PLA2G2C: variants seen among roughly 807,000 people sequenced by gnomAD.
PLA2G2C encodes the protein putative inactive group IIC secretory phospholipase A2.
A neutral mutation model predicts 14.3 loss-of-function variants in PLA2G2C; 15 were observed. That is an observed-to-expected ratio of 1.05 (90% CI 0.70 to 1.62). The LOEUF (loss-of-function observed/expected upper bound fraction) is 1.62, where lower values mean the gene tolerates loss of function less well. Ranked by LOEUF, PLA2G2C falls within the 40% of genes most tolerant of loss-of-function variation. The probability of loss-of-function intolerance (pLI) is 0.00; values close to 1 mark genes in which losing one functional copy is unlikely to be tolerated. For missense variants in PLA2G2C, 162 were observed against 173.2 expected (o/e 0.94, Z 0.36); for synonymous variants, 79 against 67.7 (o/e 1.17, Z -0.82).
At chr1:20,171,451 C>G (rs1029831721) in intron 4 of PLA2G2C, among the ~76,000 whole-genome samples, 20 of 152,168 alleles carry the variant, frequency 1.3e-4, no homozygotes, top group African/African-American at 4.1e-4. Flanking sequence ...ACCCACACAG[C>G]TGGTGCCAGG....
Position 20,175,305 on chromosome 1 carries a change from T to C in PLA2G2C, c.41-160A>G. 6 of 1,062,150 alleles carry C rather than the reference T, an allele frequency of 5.6e-6. No homozygotes were observed. In the East Asian group the frequency reaches 9.8e-5, roughly 17 times the overall value. The allele number at this position is 1,062,150 out of a possible 1,614,324, so 65.8% of individuals were successfully genotyped here. A position where few individuals can be genotyped will look rare whatever the true frequency, so the allele number is the denominator to read the frequency against. On this transcript the variant is annotated intron_variant, in intron 2 of 4. Transcript: ENST00000679259. ...TGGCTGGAATCACCAGCCTCTTTCC[T>C]GGGGAATAAAATAGGTTCAGATTTG...
chr1:20,175,219 C>T, intron 2 of PLA2G2C, 74 bp from the exon 3 acceptor site: 1 of 1,607,936 alleles, frequency 6.2e-7, no homozygotes, highest in East Asian at 2.2e-5. Context: ...GTCCCCTCCC[C>T]TTACTAGAGT....
intron 1 of PLA2G2C, chr1:20,184,191 G>GCACATGCA (rs1553184772): frequency 2.1e-5 from 2 of 95,414 alleles, no homozygotes; most frequent in South Asian, 3.3e-4. Context: ...GCGTGCGTGC[G>GCACATGCA]CACACGCACA....
intron 4 of PLA2G2C, among the ~76,000 whole-genome samples, chr1:20,168,999 T>C (rs996665297): frequency 2.0e-5 from 3 of 152,168 alleles, no homozygotes; most frequent in Non-Finnish European, 4.4e-5. Flanking sequence ...AGTTGTTTTC[T>C]TCCTCTCCCT....
rs1224903197 is a variant in PLA2G2C at position 20,163,056 on chromosome 1, G to A, written c.*935C>T. The A allele has an allele frequency of 6.6e-6, 1 of 152,268 alleles. No homozygotes were observed. Among genetic ancestry groups the A allele is most frequent in the East Asian group, 1.9e-4 (1 of 5,204 alleles). The allele number at this position is 152,268 out of a possible 1,614,324, so 9.4% of individuals were successfully genotyped here. A position where few individuals can be genotyped will look rare whatever the true frequency, so the allele number is the denominator to read the frequency against. On this transcript the variant is annotated 3_prime_UTR_variant, in exon 5 of 5. Transcript: ENST00000679259. ...CTAACAAACCATACCAAAACCCAGTGACTTAGAACAGCAGCCTTTATTTAG... is the reference window on the plus strand; with the variant it reads ...CTAACAAACCATACCAAAACCCAGTAACTTAGAACAGCAGCCTTTATTTAG...
intron 4 of PLA2G2C, among the ~76,000 whole-genome samples, chr1:20,171,954 G>C (rs998880086): frequency 6.6e-6 from 1 of 151,170 alleles, no homozygotes; most frequent in African/African-American, 2.4e-5. Flanking sequence ...TAGTAGAGAC[G>C]GGGTTTCACC....
chr1:20,173,184 C>A (rs1008309571), intron 3 of PLA2G2C, among the ~76,000 whole-genome samples: 1 of 149,594 alleles, frequency 6.7e-6, no homozygotes, highest in African/African-American at 2.5e-5. Context: ...GGCATGGTGG[C>A]ACCAGCCTGT....
chr1:20,171,564 G>C (rs1324656809), intron 4 of PLA2G2C, among the ~76,000 whole-genome samples: 4 of 152,106 alleles, frequency 2.6e-5, no homozygotes, highest in South Asian at 4.1e-4. Flanking sequence ...AACCCACTAC[G>C]GGATGGAGGA....
intron 4 of PLA2G2C, among the ~76,000 whole-genome samples, chr1:20,166,926 G>A (rs1447141508): frequency 6.6e-6 from 1 of 152,178 alleles, no homozygotes; most frequent in African/African-American, 2.4e-5. Flanking sequence ...GACAGCCCCA[G>A]GCCAAGAAAA....
chr1:20,167,464 C>T (rs891567914), intron 4 of PLA2G2C, among the ~76,000 whole-genome samples: 67 of 152,162 alleles, frequency 4.4e-4, no homozygotes, highest in African/African-American at 1.5e-3. Context: ...CCACGCTGAA[C>T]CCATCAGCAG....
At chr1:20,178,095 G>A (rs2018215560) in intron 1 of PLA2G2C, among the ~76,000 whole-genome samples, 1 of 152,130 alleles carries the variant, frequency 6.6e-6, no homozygotes, top group Non-Finnish European at 1.5e-5. Flanking sequence ...GGACCTGCTG[G>A]AATAATGAAA....
rs2017909087 is a variant in PLA2G2C at position 20,163,695 on chromosome 1, T to C, written c.*296A>G. 1.2e-5 allele frequency: 4 copies of C among 328,082 alleles called. No individual in the cohort carries two copies. Among genetic ancestry groups the C allele is most frequent in the Non-Finnish European group, 2.2e-5 (4 of 178,658 alleles). 20.3% of individuals were successfully genotyped at this position (328,082 alleles called of 1,614,324 possible). A position where few individuals can be genotyped will look rare whatever the true frequency, so the allele number is the denominator to read the frequency against. On this transcript the variant is annotated 3_prime_UTR_variant, in exon 5 of 5. Transcript: ENST00000679259. ...TACTGCATCATAGCACTTACTACAG[T>C]CTAATGTGTCTCTTACTTCTATATC...
chr1:20,168,302 T>TGA (rs2018010342), intron 4 of PLA2G2C, among the ~76,000 whole-genome samples: 2 of 152,332 alleles, frequency 1.3e-5, no homozygotes, highest in East Asian at 3.9e-4. Flanking sequence ...AAACAAGTAT[T>TGA]GAGTTCCCAA....
chr1:20,174,015 T>C (rs769354103), intron 3 of PLA2G2C, among the ~76,000 whole-genome samples: 2 of 152,222 alleles, frequency 1.3e-5, no homozygotes, highest in Non-Finnish European at 2.9e-5. Flanking sequence ...CAACTCACTG[T>C]CCTCACCTGT....
At chr1:20,169,548 C>T (rs2018035207) in intron 4 of PLA2G2C, among the ~76,000 whole-genome samples, 1 of 152,136 alleles carries the variant, frequency 6.6e-6, no homozygotes, top group Non-Finnish European at 1.5e-5. Context: ...AGAGCGGACT[C>T]TTCAAAGAAA....
chr1:20,175,325 G>T (rs1441967210), intron 2 of PLA2G2C, 180 bp from the exon 3 acceptor site: 4 of 870,094 alleles, frequency 4.6e-6, no homozygotes, highest in Non-Finnish European at 7.0e-6. Context: ...AATAGGTTCA[G>T]ATTTGCCCCT....
At chr1:20,178,719 G>A (rs1365106163) in intron 1 of PLA2G2C, among the ~76,000 whole-genome samples, 1 of 152,194 alleles carries the variant, frequency 6.6e-6, no homozygotes, top group African/African-American at 2.4e-5. Flanking sequence ...AACAAAGAAA[G>A]GGACCTGGGT....
At chr1:20,179,812 CTGTG>C (rs199906924) in intron 1 of PLA2G2C, among the ~76,000 whole-genome samples, 6 of 149,108 alleles carry the variant, frequency 4.0e-5, no homozygotes, top group South Asian at 2.1e-4. Context: ...GTTGGCTTCT[CTGTG>C]TGTGTGTTAG....
intron 4 of PLA2G2C, among the ~76,000 whole-genome samples, chr1:20,166,784 G>C (rs2017987095): frequency 6.6e-6 from 1 of 152,052 alleles, no homozygotes; most frequent in Admixed American, 6.6e-5. Context: ...CTGACATCCA[G>C]TTCTACTTCA....
Sources: allele counts gnomAD v4.1 joint callset (sites outside exome capture counted in the v4.1 genomes callset), GRCh38; gene constraint gnomAD v4.1.1; transcripts MANE v1.5; gene names NCBI Gene and HGNC (gene_info 2026-07-23, HGNC 2026-07-21).